The following ZNF609 variants were observed in gnomAD, a reference collection of about 807,000 sequenced individuals.
ZNF609 encodes zinc finger protein 609.
Under a neutral mutation model 109.5 loss-of-function variants are expected in ZNF609, and 11 were observed. That is an observed-to-expected ratio of 0.10 (90% confidence interval 0.06 to 0.17). ZNF609 has a LOEUF of 0.17. Among genes scored for constraint, ZNF609 ranks in the 10% least tolerant of loss-of-function variants. The pLI is 1.00. For synonymous variants in ZNF609, 646 were observed against 662.0 expected, an observed-to-expected ratio of 0.98 and a Z score of 0.37; for missense variants, 1,559 against 1,772.4, an observed-to-expected ratio of 0.88 and a Z score of 2.16.
At chr15:64,563,733 G>A (rs1171279362) in intron 2 of ZNF609, among the ~76,000 whole-genome samples, 2 of 151,828 alleles carry the variant, frequency 1.3e-5, no homozygotes, top group Admixed American at 6.6e-5. Flanking sequence ...CCAAGATCGC[G>A]CCATTGTTCC....
At chr15:64,579,942 T>G (rs1025965046) in intron 2 of ZNF609, among the ~76,000 whole-genome samples, 2 of 148,678 alleles carry the variant, frequency 1.3e-5, no homozygotes, top group Non-Finnish European at 3.0e-5. Context: ...CCAAAAAAAA[T>G]CTATTTCTTA....
intron 2 of ZNF609, among the ~76,000 whole-genome samples, chr15:64,577,790 C>T (rs980619372): frequency 3.3e-5 from 5 of 150,990 alleles, no homozygotes; most frequent in African/African-American, 1.2e-4. Context: ...ACCCAGGAGT[C>T]AGAGGTTTCA....
At chr15:64,587,162 T>C (rs1895212327) in intron 2 of ZNF609, among the ~76,000 whole-genome samples, 1 of 152,212 alleles carries the variant, frequency 6.6e-6, no homozygotes, top group Non-Finnish European at 1.5e-5. Context: ...TTTATCTGTT[T>C]AGAGTATCTG....
In ZNF609 at chr15:64,674,484, G is replaced by C; in HGVS notation, c.1630G>C (p.Asp544His). Residue 544 changes from aspartate (D) to histidine (H), a missense_variant, in exon 5 of 10, where the codon GAT becomes CAT. Coordinates refer to ENST00000326648, the MANE Select transcript of ZNF609 (RefSeq NM_015042.2). Reference sequence around the variant, plus strand: ...CGGAGAGGAACCTATTCTCCATGCAGATCTTGGGAGCTGCAACGGTGCATC... The same window carrying C: ...CGGAGAGGAACCTATTCTCCATGCACATCTTGGGAGCTGCAACGGTGCATC... The part of the protein sequence containing the change: ...EYGEEPILHA[D>H]LGSCNGASVS... 1 of 1,614,188 alleles carries C rather than the reference G, an allele frequency of 6.2e-7. No homozygotes were observed.
intron 2 of ZNF609, among the ~76,000 whole-genome samples, chr15:64,527,950 T>G (rs1428019125): frequency 6.6e-6 from 1 of 152,234 alleles, no homozygotes; most frequent in African/African-American, 2.4e-5. Context: ...AACTTAAATA[T>G]CACTTTCTCT....
chr15:64,519,425 G>C (rs1390310631), intron 2 of ZNF609, among the ~76,000 whole-genome samples: 5 of 152,318 alleles, frequency 3.3e-5, no homozygotes, highest in Admixed American at 1.3e-4. Context: ...CAAGAAGGTA[G>C]CTACCTTAGT....
chr15:64,564,455 G>A (rs539424409), intron 2 of ZNF609, among the ~76,000 whole-genome samples: 2 of 152,292 alleles, frequency 1.3e-5, no homozygotes, highest in Non-Finnish European at 2.9e-5. Context: ...CTTATTTAAG[G>A]TGGCAGGGGT....
chr15:64,511,582 T>C (rs1893731646), intron 2 of ZNF609, among the ~76,000 whole-genome samples: 1 of 151,992 alleles, frequency 6.6e-6, no homozygotes, highest in African/African-American at 2.4e-5. Flanking sequence ...TTACAGAAAT[T>C]AACATTCAGG....
intron 1 of ZNF609, among the ~76,000 whole-genome samples, chr15:64,481,422 G>A (rs191894857): frequency 6.7e-6 from 1 of 149,938 alleles, no homozygotes; most frequent in East Asian, 2.0e-4. Flanking sequence ...CCAGGTTCAA[G>A]CGATTCTTCT....
chr15:64,487,284 T>G (rs530747759), intron 1 of ZNF609, among the ~76,000 whole-genome samples: 1 of 152,328 alleles, frequency 6.6e-6, no homozygotes, highest in East Asian at 1.9e-4. Context: ...TCTGTGGTGA[T>G]TAATGGCATG....
At chr15:64,477,295 C>T (rs111502451) in intron 1 of ZNF609, among the ~76,000 whole-genome samples, 16 of 151,806 alleles carry the variant, frequency 1.1e-4, no homozygotes, top group Admixed American at 3.3e-4. Flanking sequence ...CGCCTGCCCC[C>T]ACACCCAGCT....
intron 2 of ZNF609, among the ~76,000 whole-genome samples, chr15:64,565,232 G>GTAGTATTATTATTATTATTATTAT: frequency 7.2e-6 from 1 of 138,736 alleles, no homozygotes; most frequent in East Asian, 2.0e-4. Flanking sequence ...GCTAATTTTT[G>GTAGTATTATTATTATTATTATTAT]TATTATTATT....
rs1595700153 is a variant in ZNF609, at chr15:64,500,179, C to T, written c.747+13C>T. ...CAAGTCTGAAAAGGTAAGAGGTGGC[C>T]AGATATGGCTGCCCACTGACTGCCA... is the stretch of plus-strand genomic sequence containing the variant. On this transcript the variant is annotated intron_variant, in intron 2 of 9. Transcript: ENST00000326648. The T allele has an allele frequency of 6.2e-7, 1 of 1,611,158 alleles. No individual in the cohort carries two copies.
chr15:64,640,129 G>T (rs533336212), intron 3 of ZNF609, among the ~76,000 whole-genome samples: 1 of 152,124 alleles, frequency 6.6e-6, no homozygotes, highest in Non-Finnish European at 1.5e-5. Flanking sequence ...CACCATGTTG[G>T]CCAGGATGGT....
In ZNF609 at chr15:64,674,991, G is replaced by C. The variant is rs1428915458; in HGVS notation, c.2137G>C (p.Glu713Gln). Residue 713 changes from glutamate to glutamine, a missense_variant, in exon 5 of 10, where the codon GAA becomes CAA. Glu to Gln is a conservative substitution (Grantham distance 29). Coordinates refer to ENST00000326648, the MANE Select transcript of ZNF609 (RefSeq NM_015042.2). ...PIQPKPTVMG[E>Q]PFTVNPALTP... ...TCAGCCCAAGCCCACTGTTATGGGA[G>C]AACCTTTCACAGTCAACCCTGCCTT... 1 of 1,613,906 alleles carries C rather than the reference G, an allele frequency of 6.2e-7. No individual in the cohort carries two copies. The highest frequency in any genetic ancestry group is 8.5e-7 in the Non-Finnish European group (1 of 1,180,032).
intron 5 of ZNF609, among the ~76,000 whole-genome samples, chr15:64,676,986 C>A (rs574474494): frequency 5.3e-5 from 8 of 152,154 alleles, no homozygotes; most frequent in Middle Eastern, 3.4e-3. Context: ...ATCTCCTGAC[C>A]TTGTGATCCA....
chr15:64,559,449 T>TAGCCAAGTTGGAATCTG (rs1894644140), intron 2 of ZNF609, among the ~76,000 whole-genome samples: 1 of 152,198 alleles, frequency 6.6e-6, no homozygotes, highest in Non-Finnish European at 1.5e-5. Context: ...AGACCATTGG[T>TAGCCAAGTTGGAATCTG]AGCCAAGTTG....
At chr15:64,654,366 T>A (rs1192059492) in intron 3 of ZNF609, 1 of 152,180 alleles carries the variant, frequency 6.6e-6, no homozygotes, top group Non-Finnish European at 1.5e-5. Flanking sequence ...GATATCACAT[T>A]CTTCCTATCC....
chr15:64,540,944 C>A (rs1470081727), intron 2 of ZNF609, among the ~76,000 whole-genome samples: 2 of 148,288 alleles, frequency 1.3e-5, no homozygotes, highest in Non-Finnish European at 3.0e-5. Flanking sequence ...AGGAGAATCG[C>A]TTGAACCCGG....
Sources: gnomAD v4.1 joint callset for allele counts (sites outside exome capture counted in the v4.1 genomes callset) on GRCh38, gnomAD v4.1.1 for gene constraint, MANE v1.5 for transcripts, NCBI Gene and HGNC (gene_info 2026-07-23, HGNC 2026-07-21) for gene names.